Variants in TRIM24 observed in about 807,000 individuals in gnomAD.
The protein encoded by TRIM24 is tripartite motif containing 24, also known as transcription intermediary factor 1-alpha.
TRIM24 carries 29 observed loss-of-function variants against 123.9 expected under a neutral mutation model. The ratio of observed to expected loss-of-function variants is 0.23; its 90% CI spans 0.17 to 0.32. TRIM24 has a LOEUF of 0.32. Among genes scored for constraint, TRIM24 ranks in the 10% least tolerant of loss-of-function variants. TRIM24 has a pLI of 1.00. For missense variants in TRIM24, 932 were observed against 1,295.3 expected, an observed-to-expected ratio of 0.72 and a Z score of 4.31; for synonymous variants, 456 against 461.1, an observed-to-expected ratio of 0.99 and a Z score of 0.14.
chr7:138,508,003 A>G (rs894481499), intron 2 of TRIM24, among the ~76,000 whole-genome samples: 2 of 152,168 alleles, frequency 1.3e-5, no homozygotes, highest in Non-Finnish European at 2.9e-5. Context: ...CAGTAATCAA[A>G]TGGATCTGAA....
chr7:138,508,692 T>TGTGTGC lies in TRIM24; in HGVS notation c.483+4285_483+4286insTGTGCG, dbSNP rs1422176564. Reference sequence around the variant, plus strand: ...GTGTGTGTGTGTGTGTGTGTGTGTGTGCGCGCGCGTGTGTGCGTGTGTGTG... The same window carrying TGTGTGC: ...GTGTGTGTGTGTGTGTGTGTGTGTGTGTGTGCGCGCGCGCGTGTGTGCGTGTGTGTG... On this transcript the variant is annotated intron_variant, in intron 2 of 18. Coordinates refer to ENST00000343526, the MANE Select transcript of TRIM24 (RefSeq NM_015905.3). 3.9e-3 allele frequency among the ~76,000 whole-genome samples: 529 copies of TGTGTGC among 137,252 alleles called. 10 individuals carry two copies. The highest frequency in any genetic ancestry group is 0.022 in the South Asian group (92 of 4,106). The allele number at this position is 137,252 out of a possible 152,430, so 90.0% of individuals were successfully genotyped here. A position where few individuals can be genotyped will look rare whatever the true frequency, so the allele number is the denominator to read the frequency against.
chr7:138,537,375 G>GTTT (rs1388530445), intron 6 of TRIM24, among the ~76,000 whole-genome samples: 21 of 26,258 alleles, frequency 8.0e-4, no homozygotes, highest in African/African-American at 2.3e-3. Flanking sequence ...CGCCACCCCT[G>GTTT]TTTGTTTTTT....
intron 7 of TRIM24, among the ~76,000 whole-genome samples, chr7:138,539,125 A>T (rs1018472745): frequency 2.6e-5 from 4 of 152,118 alleles, no homozygotes; most frequent in African/African-American, 9.7e-5. Flanking sequence ...AAGAATTTCC[A>T]TGTAATATTT....
chr7:138,543,782 A>C (rs958862440), intron 7 of TRIM24, among the ~76,000 whole-genome samples: 3 of 152,164 alleles, frequency 2.0e-5, no homozygotes, highest in Non-Finnish European at 4.4e-5. Flanking sequence ...TTTGATATAC[A>C]TAACAGTGTT....
At chr7:138,504,496 G>A in intron 2 of TRIM24, 88 bp downstream of exon 2, 1 of 768,288 alleles carries the variant, frequency 1.3e-6, no homozygotes, top group Middle Eastern at 3.7e-4. Flanking sequence ...CATTCATTCT[G>A]TTGCCCAGGC....
At position 138,583,929 on chromosome 7, in the gene TRIM24, T is replaced by C. The variant is rs1339775242; in HGVS notation, c.2873T>C (p.Met958Thr). The change falls in exon 18 of 19, where the codon ATG (methionine) becomes ACG (threonine). Residue 958 changes from methionine to threonine, a missense_variant. Coordinates refer to ENST00000343526, the MANE Select transcript of TRIM24 (RefSeq NM_015905.3). Reference protein sequence around the residue: ...IKKRLQEDYSMYSKPEDFVAD... With the variant: ...IKKRLQEDYSTYSKPEDFVAD... ...AAAAGACTACAAGAAGATTATTCCA[T>C]GTACTCAAAACCTGAAGATTTTGTA... 6.2e-7 allele frequency: 1 copy of C among 1,605,804 alleles called. No individual in the cohort carries two copies.
At chr7:138,565,028 G>T (rs1424718206) in intron 9 of TRIM24, among the ~76,000 whole-genome samples, 1 of 152,012 alleles carries the variant, frequency 6.6e-6, no homozygotes, top group Non-Finnish European at 1.5e-5. Context: ...AAATTGTGGG[G>T]CACCTCCCTA....
chr7:138,526,505 G>A (rs939487884), intron 5 of TRIM24, among the ~76,000 whole-genome samples: 1 of 151,920 alleles, frequency 6.6e-6, no homozygotes, highest in Non-Finnish European at 1.5e-5. Context: ...GTGCAGTGGT[G>A]TGATCTCAGC....
chr7:138,460,468 C>A lies in TRIM24; in HGVS notation c.-81C>A. On this transcript the variant is annotated 5_prime_UTR_variant, in exon 1 of 19. Coordinates refer to ENST00000343526, the MANE Select transcript of TRIM24 (RefSeq NM_015905.3). ...CCACCGAGCGGCCTCTGAGGAGCAG[C>A]CGCAGGAGGAGGAGGAGGTCGTCGG... 8.1e-7 allele frequency: 1 copy of A among 1,241,368 alleles called. No individual in the cohort carries two copies. Among genetic ancestry groups the A allele is most frequent in the Non-Finnish European group, 1.0e-6 (1 of 990,814 alleles). 76.9% of individuals were successfully genotyped at this position (1,241,368 alleles called of 1,614,324 possible). A position where few individuals can be genotyped will look rare whatever the true frequency, so the allele number is the denominator to read the frequency against.
In TRIM24 at chr7:138,585,666, A is replaced by G. The variant is rs1175222587; in HGVS notation, c.*715A>G. ...GCAGGTTTTCAAGGCCATTTTTTAT[A>G]CATTTCTAGATCTAGATTTTCAACT... On this transcript the variant is annotated 3_prime_UTR_variant, in exon 19 of 19. Coordinates refer to ENST00000343526, the MANE Select transcript of TRIM24 (RefSeq NM_015905.3). 5.4e-6 allele frequency: 2 copies of G among 372,462 alleles called. No individual in the cohort carries two copies. Among genetic ancestry groups the G allele is most frequent in the African/African-American group, 4.4e-5 (2 of 45,736 alleles). 23.1% of individuals were successfully genotyped at this position (372,462 alleles called of 1,614,324 possible). A position where few individuals can be genotyped will look rare whatever the true frequency, so the allele number is the denominator to read the frequency against.
In TRIM24 at chr7:138,570,952, C is replaced by T. The variant is rs771166803; in HGVS notation, c.1827C>T (p.Ile609=). 49 of 1,613,926 alleles carry T rather than the reference C, an allele frequency of 3.0e-5. 1 individual carries two copies. Among genetic ancestry groups the T allele is most frequent in the South Asian group, 1.2e-4 (11 of 91,050 alleles). The stretch of plus-strand genomic sequence containing the variant: ...GAAAGGCTTTTGGTTCACCTATGAT[C>T]GATTTGAGCTCACCAGTGGGAGGGT... ...YDGKAFGSPM[I]DLSSPVGGSY... The change falls in exon 11 of 19, where the codon ATC becomes ATT. Residue 609 remains isoleucine (I), a synonymous_variant. Transcript: ENST00000343526.
At chr7:138,492,947 C>T (rs1490807309) in intron 1 of TRIM24, among the ~76,000 whole-genome samples, 1 of 152,118 alleles carries the variant, frequency 6.6e-6, no homozygotes, top group Non-Finnish European at 1.5e-5. Flanking sequence ...TTTTAATCTT[C>T]AGACTGGATA....
intron 5 of TRIM24, among the ~76,000 whole-genome samples, chr7:138,527,323 T>C (rs28729263): frequency 0.022 from 3,314 of 152,310 alleles, 103 homozygotes; most frequent in African/African-American, 0.073. Flanking sequence ...TGTAACAATT[T>C]TGATTTCTGA....
chr7:138,519,191 G>A lies in TRIM24; in HGVS notation c.634G>A (p.Ala212Thr). ...VRQKEEVSPE[A>T]VGVTSQRPVF... ...TTTGTCTCCCATTGTTTCTGCAGAG[G>A]CAGTTGGTGTCACCAGCCAGCGACC... Residue 212 changes from alanine (A) to threonine (T), a missense_variant and splice_region_variant, in exon 4 of 19, where the codon GCA (alanine) becomes ACA (threonine). Around this residue, in one of 7 missense-constraint regions of TRIM24, gnomAD observed 74 missense variants for 163.6 expected, o/e 0.45. Transcript: ENST00000343526. 1.2e-6 allele frequency: 2 copies of A among 1,613,998 alleles called. No homozygotes were observed. Among genetic ancestry groups the A allele is most frequent in the Non-Finnish European group, 1.7e-6 (2 of 1,179,954 alleles).
At chr7:138,519,414 A>G in intron 4 of TRIM24, 93 bp downstream of exon 4, 1 of 1,446,910 alleles carries the variant, frequency 6.9e-7, no homozygotes, top group Non-Finnish European at 9.3e-7. Flanking sequence ...CAGTCTGCAA[A>G]TAGGTTTTGT....
At chr7:138,558,422 AG>A (rs1230172373) in intron 9 of TRIM24, among the ~76,000 whole-genome samples, 1 of 152,172 alleles carries the variant, frequency 6.6e-6, no homozygotes, top group African/African-American at 2.4e-5. Context: ...ATGTTGGTTC[AG>A]GGGAGAGGAC....
At chr7:138,508,698 C>CGCGT (rs1796210766) in intron 2 of TRIM24, among the ~76,000 whole-genome samples, 1 of 30,412 alleles carries the variant, frequency 3.3e-5, no homozygotes, top group African/African-American at 8.4e-5. Flanking sequence ...TGTGTGCGCG[C>CGCGT]GCGTGTGTGC....
chr7:138,519,851 G>A (rs1376080598), intron 4 of TRIM24, among the ~76,000 whole-genome samples: 1 of 152,054 alleles, frequency 6.6e-6, no homozygotes, highest in Non-Finnish European at 1.5e-5. Context: ...ATAGTTCCTA[G>A]CAAAGCTCAC....
rs111856490 is a variant in TRIM24 at position 138,462,880 on chromosome 7, T to A, written c.364+1968T>A. On this transcript the variant is annotated intron_variant, in intron 1 of 18. Transcript: ENST00000343526. ...TTCTTATTTATTTATTTATTTATTT[T>A]TTTTTTGAGACGGAGTCTCGCTCTT... Among the ~76,000 whole-genome samples, 903 of 151,426 alleles carry A rather than the reference T, an allele frequency of 6.0e-3. 10 individuals carry two copies. The highest frequency in any genetic ancestry group is 0.019 in the African/African-American group (777 of 41,336).
Sources: gnomAD v4.1 joint callset for allele counts (sites outside exome capture counted in the v4.1 genomes callset) on GRCh38, gnomAD v4.1.1 for gene constraint, gnomAD v4.1.1 regional missense constraint, MANE v1.5 for transcripts, NCBI Gene and HGNC (gene_info 2026-07-23, HGNC 2026-07-21) for gene names.